The following CCDC122 variants were observed in gnomAD, a reference collection of about 807,000 sequenced individuals.
The protein encoded by CCDC122 is coiled-coil domain containing 122, also known as coiled-coil domain-containing protein 122.
In CCDC122, 38 loss-of-function variants were observed where a neutral mutation model predicts 37.0. The ratio of observed to expected loss-of-function variants is 1.03; its 90% CI spans 0.79 to 1.35. The LOEUF is 1.35. Ranked by LOEUF, CCDC122 falls within the 40% of genes most tolerant of loss-of-function variation. The probability of loss-of-function intolerance (pLI) is 0.00; values close to 1 mark genes in which losing one functional copy is unlikely to be tolerated. For missense variants in CCDC122, 305 were observed against 310.0 expected (o/e 0.98, Z 0.12); for synonymous variants, 83 against 95.6 (o/e 0.87, Z 0.77).
intron 6 of CCDC122, among the ~76,000 whole-genome samples, chr13:43,846,813 G>A (rs1238631224): frequency 1.3e-5 from 2 of 152,158 alleles, no homozygotes; most frequent in Non-Finnish European, 2.9e-5. Flanking sequence ...CAAATTTGGG[G>A]CTTCCAATAA....
intron 2 of CCDC122, among the ~76,000 whole-genome samples, chr13:43,872,229 T>C (rs750631645): frequency 6.6e-6 from 1 of 152,196 alleles, no homozygotes; most frequent in Non-Finnish European, 1.5e-5. Context: ...TAGCCCTTCA[T>C]GTATTCTTCC....
At chr13:43,838,964 G>A (rs1167181150) in intron 6 of CCDC122, among the ~76,000 whole-genome samples, 1 of 152,212 alleles carries the variant, frequency 6.6e-6, no homozygotes, top group Non-Finnish European at 1.5e-5. Flanking sequence ...TTCTGGTCTT[G>A]TGCACATGCC....
At chr13:43,867,698 G>A (rs10507521) in intron 4 of CCDC122, among the ~76,000 whole-genome samples, 1 of 151,942 alleles carries the variant, frequency 6.6e-6, no homozygotes, top group Admixed American at 6.6e-5. Flanking sequence ...ATGGAATAAA[G>A]TCTATGAAAC....
chr13:43,842,444 A>G (rs1953387654), intron 6 of CCDC122, among the ~76,000 whole-genome samples: 1 of 151,788 alleles, frequency 6.6e-6, no homozygotes. Flanking sequence ...TTTATAATAA[A>G]TCTTAATATT....
In CCDC122 at chr13:43,829,838, G is replaced by A. The variant is rs182083118; in HGVS notation, n.602-5827C>T. On this transcript the variant is annotated intron_variant and non_coding_transcript_variant, in intron 3 of 3. Transcript: ENST00000470137. ...TGTGACCTCAACATAGTTGAAAAAT[G>A]TTCTAAACTTTTAAATTGGGGTTTC... 2.2e-3 allele frequency among the ~76,000 whole-genome samples: 337 copies of A among 152,222 alleles called. 1 individual carries two copies. Among genetic ancestry groups the A allele is most frequent in the African/African-American group, 7.8e-3 (323 of 41,536 alleles).
intron 6 of CCDC122, chr13:43,849,058 A>G: frequency 3.3e-6 from 3 of 920,974 alleles, no homozygotes; most frequent in Non-Finnish European, 2.6e-6. Context: ...TGGTCTGACT[A>G]TATTGGTCCT....
chr13:43,836,454 G>T lies in CCDC122; in HGVS notation c.*826C>A, dbSNP rs1351891776. On this transcript the variant is annotated 3_prime_UTR_variant, in exon 7 of 7. Transcript: ENST00000444614. ...TTACCTTCTGGATAAAAGAGAAAAT[G>T]GAGTAAAATATTTGAAGCATTGAAC... 2.6e-5 allele frequency: 4 copies of T among 152,182 alleles called. No individual in the cohort carries two copies. Among genetic ancestry groups the T allele is most frequent in the African/African-American group, 9.7e-5 (4 of 41,400 alleles). 9.4% of individuals were successfully genotyped at this position (152,182 alleles called of 1,614,324 possible). A position where few individuals can be genotyped will look rare whatever the true frequency, so the allele number is the denominator to read the frequency against.
At chr13:43,852,001 A>G (rs570501729) in intron 6 of CCDC122, among the ~76,000 whole-genome samples, 9 of 152,282 alleles carry the variant, frequency 5.9e-5, no homozygotes, top group African/African-American at 2.2e-4. Context: ...GCATAAGCCC[A>G]TAAAGATGAG....
downstream of CCDC122, among the ~76,000 whole-genome samples, chr13:43,820,109 C>A: frequency 6.6e-6 from 1 of 152,090 alleles, no homozygotes; most frequent in East Asian, 1.9e-4. Context: ...TCTATGTAAT[C>A]TTTGACTTGA....
chr13:43,858,612 G>A (rs1954004413), intron 6 of CCDC122, 169 bp downstream of exon 6: 1 of 363,610 alleles, frequency 2.8e-6, no homozygotes, highest in African/African-American at 2.2e-5. Flanking sequence ...TTTGAATGAG[G>A]GGGTTATCTC....
At chr13:43,849,019 A>G in intron 6 of CCDC122, 1 of 954,416 alleles carries the variant, frequency 1.0e-6, no homozygotes, top group Non-Finnish European at 1.2e-6. Context: ...AAATAAAATT[A>G]TTCACAAAAA....
intron 5 of CCDC122, 26 bp from the exon 6 acceptor site, chr13:43,858,923 T>C (rs755185979): frequency 9.6e-6 from 13 of 1,354,950 alleles, no homozygotes; most frequent in South Asian, 8.8e-5. Context: ...ATTTGAAATA[T>C]AGAAGTCAAA....
intron 4 of CCDC122, among the ~76,000 whole-genome samples, chr13:43,865,952 T>C (rs1954261706): frequency 6.6e-6 from 1 of 152,174 alleles, no homozygotes; most frequent in South Asian, 2.1e-4. Context: ...GCTGATACTT[T>C]GGGGCCATTA....
intron 4 of CCDC122, among the ~76,000 whole-genome samples, chr13:43,862,698 G>C (rs1489680128): frequency 6.6e-6 from 1 of 152,080 alleles, no homozygotes; most frequent in Non-Finnish European, 1.5e-5. Flanking sequence ...ATGAGTGAAT[G>C]ACTGATGCAC....
chr13:43,833,754 G>C (rs1314639183), downstream of CCDC122, among the ~76,000 whole-genome samples: 1 of 140,214 alleles, frequency 7.1e-6, no homozygotes, highest in Non-Finnish European at 1.5e-5. Flanking sequence ...ATTTGGTGCA[G>C]AGCAGTGTCC....
At chr13:43,869,016 T>C (rs1218269927) in intron 3 of CCDC122, among the ~76,000 whole-genome samples, 1 of 152,066 alleles carries the variant, frequency 6.6e-6, no homozygotes, top group East Asian at 1.9e-4. Context: ...TGCAATGTCA[T>C]ACCCGTTCCT....
chr13:43,868,649 T>G, intron 4 of CCDC122, 45 bp downstream of exon 4: 4 of 1,022,716 alleles, frequency 3.9e-6, no homozygotes, highest in Non-Finnish European at 5.6e-6. Context: ...GTCATTTACT[T>G]TTGAAGAAAG....
intron 2 of CCDC122, among the ~76,000 whole-genome samples, chr13:43,871,424 C>G (rs1010528046): frequency 4.6e-5 from 7 of 152,104 alleles, no homozygotes; most frequent in Admixed American, 3.9e-4. Context: ...TCTCTCTCCC[C>G]CAAATCACAG....
chr13:43,867,569 C>G (rs779035803), intron 4 of CCDC122, among the ~76,000 whole-genome samples: 109 of 152,248 alleles, frequency 7.2e-4, no homozygotes, highest in Admixed American at 1.3e-3. Flanking sequence ...ACCATTGACA[C>G]TACTACTCTA....
Sources: gnomAD v4.1 joint callset for allele counts (sites outside exome capture counted in the v4.1 genomes callset) on GRCh38, gnomAD v4.1.1 for gene constraint, MANE v1.5 for transcripts, NCBI Gene and HGNC (gene_info 2026-07-23, HGNC 2026-07-21) for gene names.